Variants in ULK4 observed in about 807,000 individuals in gnomAD.
ULK4 encodes the protein unc-51 like kinase 4, also known as inactive serine/threonine-protein kinase ULK4.
ULK4 carries 133 observed loss-of-function variants against 160.6 expected under a neutral mutation model. The observed-to-expected ratio is 0.83, with a 90% CI of 0.72 to 0.96. The LOEUF (loss-of-function observed/expected upper bound fraction) is 0.96, where lower values mean the gene tolerates loss of function less well. Among genes scored for constraint, ULK4 ranks in the 40% least tolerant of loss-of-function variants. The pLI is 0.00. For missense variants in ULK4, 1,580 were observed against 1,499.5 expected (o/e 1.05, Z -0.89); for synonymous variants, 534 against 539.8 (o/e 0.99, Z 0.15).
In ULK4 at chr3:41,803,672, T is replaced by TC. The variant is rs541343504; in HGVS notation, c.1849-3380dup. Among the ~76,000 whole-genome samples the TC allele has an allele frequency of 2.0e-5, 3 of 152,248 alleles. No homozygotes were observed. The East Asian group carries it at 5.8e-4, about 29-fold the overall frequency. On this transcript the variant is annotated intron_variant, in intron 19 of 36. Transcript: ENST00000301831. ...CACAACAGTCCCCAGAGAGTGATGT[T>TC]CCCCTTCCTGTGTCCATGTGTTCTC...
In ULK4 at chr3:41,353,705, C is replaced by T. The variant is rs201976965; in HGVS notation, c.3678+44374G>A. On this transcript the variant is annotated intron_variant, in intron 35 of 36. Coordinates refer to ENST00000301831, the MANE Select transcript of ULK4 (RefSeq NM_017886.4). ...ATAATAATAATAATTACAATTACTA[C>T]TACTACTACTACTACTACTACTACT... Among the ~76,000 whole-genome samples the T allele has an allele frequency of 8.8e-3, 417 of 47,520 alleles. 2 individuals are homozygous for T. The highest frequency in any genetic ancestry group is 0.069 in the East Asian group (90 of 1,308). The allele number at this position is 47,520 out of a possible 152,430, so 31.2% of individuals were successfully genotyped here.
intron 31 of ULK4, among the ~76,000 whole-genome samples, 154 bp downstream of exon 31, chr3:41,615,515 G>A (rs1014848268): frequency 6.6e-6 from 1 of 152,196 alleles, no homozygotes; most frequent in African/African-American, 2.4e-5. Context: ...TTACAGATAA[G>A]AAAGCTGAAG....
chr3:41,294,670 A>T (rs1384320261), intron 35 of ULK4, among the ~76,000 whole-genome samples: 1 of 152,234 alleles, frequency 6.6e-6, no homozygotes, highest in Non-Finnish European at 1.5e-5. Context: ...AAACAAGCCA[A>T]AAATGGCCTC....
intron 35 of ULK4, among the ~76,000 whole-genome samples, chr3:41,336,668 G>A (rs971478819): frequency 6.6e-6 from 1 of 152,292 alleles, no homozygotes; most frequent in South Asian, 2.1e-4. Context: ...CGTGGTGTGT[G>A]TCTTTGGCCA....
chr3:41,563,652 G>A (rs1353163182), intron 32 of ULK4, among the ~76,000 whole-genome samples: 1 of 152,002 alleles, frequency 6.6e-6, no homozygotes, highest in African/African-American at 2.4e-5. Context: ...GATTGAATTG[G>A]CTACTGAAGC....
chr3:41,770,575 T>C (rs2039320196), intron 21 of ULK4, among the ~76,000 whole-genome samples: 1 of 148,778 alleles, frequency 6.7e-6, no homozygotes, highest in Non-Finnish European at 1.5e-5. Context: ...AGTGGAGCAA[T>C]CCTGGCTCAC....
chr3:41,905,876 A>ACTGG (rs966351767), intron 12 of ULK4, among the ~76,000 whole-genome samples: 5 of 152,060 alleles, frequency 3.3e-5, no homozygotes, highest in African/African-American at 9.7e-5. Flanking sequence ...GGAGTTCCAG[A>ACTGG]CTAGCCTGGC....
At chr3:41,347,778 T>C (rs1276744947) in intron 35 of ULK4, among the ~76,000 whole-genome samples, 4 of 152,210 alleles carry the variant, frequency 2.6e-5, no homozygotes, top group Non-Finnish European at 5.9e-5. Flanking sequence ...TGTCATCTAC[T>C]CTGGGCCCAC....
chr3:41,252,392 AAC>A (rs966342462), intron 35 of ULK4, among the ~76,000 whole-genome samples: 18 of 152,214 alleles, frequency 1.2e-4, no homozygotes, highest in African/African-American at 4.3e-4. Flanking sequence ...ACACTCTTGA[AAC>A]AAGTATTACA....
chr3:41,681,423 C>T, intron 29 of ULK4, 85 bp downstream of exon 29: 7 of 1,569,500 alleles, frequency 4.5e-6, no homozygotes, highest in Non-Finnish European at 6.1e-6. Flanking sequence ...CATCAAGACC[C>T]CAACCCCATC....
chr3:41,470,577 T>C (rs1380297060), intron 32 of ULK4, among the ~76,000 whole-genome samples: 1 of 152,138 alleles, frequency 6.6e-6, no homozygotes, highest in Non-Finnish European at 1.5e-5. Context: ...ACCTTAGAAC[T>C]CTAATTGCGG....
chr3:41,584,304 T>C (rs1378521596), intron 31 of ULK4, among the ~76,000 whole-genome samples: 2 of 152,178 alleles, frequency 1.3e-5, no homozygotes, highest in African/African-American at 4.8e-5. Context: ...ATAACTTTTT[T>C]CTTTTGAGAA....
intron 17 of ULK4, among the ~76,000 whole-genome samples, chr3:41,850,724 G>A (rs1695907992): frequency 6.6e-6 from 1 of 152,134 alleles, no homozygotes; most frequent in Non-Finnish European, 1.5e-5. Context: ...TGTCAGATGA[G>A]TAGGTTGCAA....
At chr3:41,821,956 C>G (rs940604033) in intron 18 of ULK4, among the ~76,000 whole-genome samples, 3 of 152,174 alleles carry the variant, frequency 2.0e-5, no homozygotes, top group African/African-American at 7.2e-5. Flanking sequence ...TACTGACTTT[C>G]CCTTTCCTGA....
intron 30 of ULK4, among the ~76,000 whole-genome samples, chr3:41,617,960 A>G (rs2033058161): frequency 6.6e-6 from 1 of 152,192 alleles, no homozygotes; most frequent in African/African-American, 2.4e-5. Context: ...ACATAGCACG[A>G]GAACTTTGAG....
At chr3:41,786,745 CAA>C (rs1328025027) in intron 21 of ULK4, among the ~76,000 whole-genome samples, 7 of 151,732 alleles carry the variant, frequency 4.6e-5, no homozygotes, top group Admixed American at 2.6e-4. Flanking sequence ...AACTAGAAGA[CAA>C]GAGAGAGAAG....
chr3:41,648,067 G>A (rs2034588165), intron 30 of ULK4, among the ~76,000 whole-genome samples: 1 of 152,204 alleles, frequency 6.6e-6, no homozygotes, highest in Admixed American at 6.5e-5. Flanking sequence ...GTATTCTGGT[G>A]GGAGTGACCC....
intron 30 of ULK4, among the ~76,000 whole-genome samples, chr3:41,658,737 A>ACACACACACACACACTCT (rs371916129): frequency 0.11 from 16,688 of 151,066 alleles, 1,041 homozygotes; most frequent in South Asian, 0.16. Context: ...GTACACACAC[A>ACACACACACACACACTCT]CACACACACA....
chr3:41,326,449 T>TAC (rs201760722), intron 35 of ULK4, among the ~76,000 whole-genome samples: 1 of 135,780 alleles, frequency 7.4e-6, no homozygotes, highest in African/African-American at 3.3e-5. Flanking sequence ...CATGCATATA[T>TAC]ACATATATAT....
Sources: allele counts gnomAD v4.1 joint callset (sites outside exome capture counted in the v4.1 genomes callset), GRCh38; gene constraint gnomAD v4.1.1; transcripts MANE v1.5; gene names NCBI Gene and HGNC (gene_info 2026-07-23, HGNC 2026-07-21).